Variants in CA10 observed in about 807,000 individuals in gnomAD.
CA10 encodes carbonic anhydrase 10 (inactive).
Under a neutral mutation model 44.2 loss-of-function variants are expected in CA10, and 14 were observed. The ratio of observed to expected loss-of-function variants is 0.32; its 90% CI spans 0.21 to 0.50. The LOEUF (loss-of-function observed/expected upper bound fraction) is 0.50, where lower values mean the gene tolerates loss of function less well. Ranked by LOEUF, CA10 falls within the 20% of genes least tolerant of loss-of-function variation. CA10 has a pLI of 0.99. For synonymous variants in CA10, 159 were observed against 141.6 expected, an observed-to-expected ratio of 1.12 and a Z score of -0.87; for missense variants, 350 against 409.7, an observed-to-expected ratio of 0.85 and a Z score of 1.26.
chr17:51,855,963 C>T (rs1239341627), intron 3 of CA10, among the ~76,000 whole-genome samples: 1 of 152,066 alleles, frequency 6.6e-6, no homozygotes, highest in Non-Finnish European at 1.5e-5. Context: ...CACCTTTGGA[C>T]TCAATTACCT....
At chr17:52,082,118 G>A (rs1013514166) in intron 1 of CA10, among the ~76,000 whole-genome samples, 22 of 152,186 alleles carry the variant, frequency 1.4e-4, no homozygotes, top group Non-Finnish European at 3.1e-4. Context: ...AACACATATC[G>A]TAGGTACACT....
chr17:51,807,372 C>A (rs1907176448), intron 3 of CA10, among the ~76,000 whole-genome samples: 1 of 152,146 alleles, frequency 6.6e-6, no homozygotes, highest in Non-Finnish European at 1.5e-5. Flanking sequence ...GAGTGAAAAG[C>A]CCTTATTCAT....
intron 4 of CA10, among the ~76,000 whole-genome samples, chr17:51,666,065 A>G (rs1179145992): frequency 6.6e-6 from 1 of 152,262 alleles, no homozygotes; most frequent in Non-Finnish European, 1.5e-5. Context: ...TGCTTAGGTC[A>G]AATCAAACCA....
intron 4 of CA10, among the ~76,000 whole-genome samples, chr17:51,724,002 G>A (rs1916437384): frequency 6.6e-6 from 1 of 152,182 alleles, no homozygotes; most frequent in Admixed American, 6.5e-5. Context: ...CAACGGTGCT[G>A]CAGGGCAGAT....
At chr17:52,037,097 A>C (rs947257896) in intron 2 of CA10, among the ~76,000 whole-genome samples, 2 of 152,164 alleles carry the variant, frequency 1.3e-5, no homozygotes, top group Admixed American at 1.3e-4. Context: ...TTTGAAGAAA[A>C]GATGATGAGG....
intron 1 of CA10, 121 bp downstream of exon 1, chr17:52,157,605 C>T: frequency 1.2e-6 from 1 of 861,700 alleles, no homozygotes; most frequent in Non-Finnish European, 1.9e-6. Context: ...GGCAAACCCG[C>T]AGAACTCAAA....
intron 1 of CA10, among the ~76,000 whole-genome samples, chr17:52,083,113 C>T (rs1225802465): frequency 6.6e-6 from 1 of 152,164 alleles, no homozygotes; most frequent in Non-Finnish European, 1.5e-5. Flanking sequence ...TTTTAAACTA[C>T]AATTGGAAAT....
intron 1 of CA10, among the ~76,000 whole-genome samples, chr17:52,088,568 T>A (rs571994492): frequency 6.6e-5 from 10 of 152,304 alleles, no homozygotes; most frequent in African/African-American, 2.2e-4. Flanking sequence ...ACTCACTTTG[T>A]ACATCAAAGA....
At chr17:51,879,472 A>G (rs1487369626) in intron 3 of CA10, among the ~76,000 whole-genome samples, 1 of 152,226 alleles carries the variant, frequency 6.6e-6, no homozygotes, top group Non-Finnish European at 1.5e-5. Context: ...CATTCAAGAC[A>G]GTGGAGCTGA....
chr17:51,887,727 C>T (rs1980671857), intron 3 of CA10, among the ~76,000 whole-genome samples: 1 of 151,688 alleles, frequency 6.6e-6, no homozygotes. Flanking sequence ...CTTTGGGAGG[C>T]TAGCTTGTAA....
At chr17:52,052,128 G>A (rs1987089203) in intron 2 of CA10, among the ~76,000 whole-genome samples, 1 of 151,802 alleles carries the variant, frequency 6.6e-6, no homozygotes, top group South Asian at 2.1e-4. Context: ...GGGCCTTTCA[G>A]AGGGTGGAGG....
chr17:51,884,035 C>A (rs895777204), intron 3 of CA10, among the ~76,000 whole-genome samples: 3 of 152,140 alleles, frequency 2.0e-5, no homozygotes, highest in African/African-American at 7.2e-5. Flanking sequence ...TGTAGTCATC[C>A]TTGACCCTTC....
intron 2 of CA10, among the ~76,000 whole-genome samples, chr17:51,949,369 G>A (rs1022307578): frequency 1.3e-5 from 2 of 152,056 alleles, no homozygotes; most frequent in Admixed American, 6.6e-5. Flanking sequence ...CTTTAATTGT[G>A]GTCTCATTTA....
At chr17:52,148,619 T>TA (rs1989639396) in intron 1 of CA10, among the ~76,000 whole-genome samples, 1 of 152,172 alleles carries the variant, frequency 6.6e-6, no homozygotes, top group Admixed American at 6.5e-5. Flanking sequence ...CCCTCCCTCA[T>TA]GGCCTCAGAT....
chr17:51,822,084 A>T (rs932476702), intron 3 of CA10, among the ~76,000 whole-genome samples: 1 of 152,100 alleles, frequency 6.6e-6, no homozygotes, highest in Non-Finnish European at 1.5e-5. Flanking sequence ...ATACACATAG[A>T]TCATCCCTCA....
At chr17:51,705,895 G>A (rs545058317) in intron 4 of CA10, among the ~76,000 whole-genome samples, 43 of 152,274 alleles carry the variant, frequency 2.8e-4, no homozygotes, top group South Asian at 6.2e-4. Flanking sequence ...CAAGGTAGGG[G>A]TAGTTTTTTT....
At chr17:51,972,151 A>G (rs1446581231) in intron 2 of CA10, among the ~76,000 whole-genome samples, 2 of 152,126 alleles carry the variant, frequency 1.3e-5, no homozygotes, top group Non-Finnish European at 2.9e-5. Context: ...CATTTGGGGA[A>G]TCAAAAAAAG....
At chr17:51,939,233 GCTT>G (rs1000410774) in intron 2 of CA10, among the ~76,000 whole-genome samples, 1 of 151,998 alleles carries the variant, frequency 6.6e-6, no homozygotes, top group Non-Finnish European at 1.5e-5. Flanking sequence ...TACTAATAGA[GCTT>G]CTCTTTCTTG....
chr17:52,021,244 A>T (rs1435899714), intron 2 of CA10, among the ~76,000 whole-genome samples: 13 of 152,218 alleles, frequency 8.5e-5, no homozygotes, highest in South Asian at 6.2e-4. Flanking sequence ...TGTCTTTGCC[A>T]TTTTGAATAC....
Sources: allele counts gnomAD v4.1 joint callset (sites outside exome capture counted in the v4.1 genomes callset), GRCh38; gene constraint gnomAD v4.1.1; transcripts MANE v1.5; gene names NCBI Gene and HGNC (gene_info 2026-07-23, HGNC 2026-07-21).